The following EML4 variants were observed in gnomAD, a reference collection of about 807,000 sequenced individuals.
EML4 encodes echinoderm microtubule-associated protein-like 4.
In EML4, 72 loss-of-function variants were observed where a neutral mutation model predicts 129.0. The observed-to-expected ratio is 0.56, with a 90% confidence interval of 0.46 to 0.68. The LOEUF is 0.68. Ranked by LOEUF, EML4 falls within the 30% of genes least tolerant of loss-of-function variation. The probability of loss-of-function intolerance (pLI) is 0.00; values close to 1 mark genes in which losing one functional copy is unlikely to be tolerated. For missense variants in EML4, 1,363 were observed against 1,190.6 expected, an observed-to-expected ratio of 1.14 and a Z score of -2.13; for synonymous variants, 532 against 405.0, an observed-to-expected ratio of 1.31 and a Z score of -3.77.
At chr2:42,277,750 G>A (rs1666740541) in intron 6 of EML4, among the ~76,000 whole-genome samples, 1 of 152,038 alleles carries the variant, frequency 6.6e-6, no homozygotes, top group Admixed American at 6.5e-5. Context: ...TGTATTTTTA[G>A]TAGAGACGGG....
intron 1 of EML4, among the ~76,000 whole-genome samples, chr2:42,228,270 G>C (rs1445730233): frequency 2.0e-5 from 3 of 151,766 alleles, no homozygotes; most frequent in African/African-American, 4.8e-5. Flanking sequence ...ATTGCTAAGA[G>C]AGTAGAAAGA....
chr2:42,238,144 A>G (rs538414348), intron 1 of EML4, among the ~76,000 whole-genome samples: 15 of 152,298 alleles, frequency 9.8e-5, no homozygotes, highest in African/African-American at 3.1e-4. Flanking sequence ...TTGTAGTTAG[A>G]CTTGGATCCC....
chr2:42,272,106 A>G (rs1666405971), intron 6 of EML4, among the ~76,000 whole-genome samples: 1 of 152,090 alleles, frequency 6.6e-6, no homozygotes, highest in South Asian at 2.1e-4. Context: ...ACCCTGTCCA[A>G]AAATGGCAGT....
chr2:42,278,994 T>G (rs947018241), intron 6 of EML4, among the ~76,000 whole-genome samples: 1 of 152,212 alleles, frequency 6.6e-6, no homozygotes, highest in African/African-American at 2.4e-5. Flanking sequence ...GTTTTAGTTT[T>G]AGACTGTCGC....
intron 14 of EML4, among the ~76,000 whole-genome samples, chr2:42,302,204 T>C (rs573876839): frequency 2.0e-4 from 30 of 152,140 alleles, no homozygotes; most frequent in Non-Finnish European, 3.7e-4. Context: ...ACTTCCACAT[T>C]ACATTTTTTT....
chr2:42,182,152 ATTC>A (rs942901690), intron 1 of EML4, among the ~76,000 whole-genome samples: 5 of 130,690 alleles, frequency 3.8e-5, no homozygotes, highest in Admixed American at 1.5e-4. Context: ...ATGTAGAAAA[ATTC>A]TTCTTTTTTT....
intron 16 of EML4, among the ~76,000 whole-genome samples, chr2:42,304,164 C>T (rs932561483): frequency 6.6e-6 from 1 of 152,122 alleles, no homozygotes; most frequent in Non-Finnish European, 1.5e-5. Context: ...AGATATCCAC[C>T]TTCTCTAGCC....
chr2:42,234,045 G>C (rs1437903559), intron 1 of EML4, among the ~76,000 whole-genome samples: 1 of 152,216 alleles, frequency 6.6e-6, no homozygotes, highest in Admixed American at 6.5e-5. Context: ...CTTTTCTGCT[G>C]CCTAGGGTTT....
chr2:42,230,155 G>A (rs549441394), intron 1 of EML4, among the ~76,000 whole-genome samples: 6 of 152,090 alleles, frequency 3.9e-5, no homozygotes, highest in African/African-American at 1.4e-4. Context: ...GTTTTATCCT[G>A]TCTTTGCTGC....
intron 1 of EML4, among the ~76,000 whole-genome samples, chr2:42,226,128 A>G (rs940985685): frequency 2.6e-5 from 4 of 152,126 alleles, no homozygotes; most frequent in African/African-American, 9.7e-5. Context: ...TGGACTAGAA[A>G]AATAGTTACC....
chr2:42,324,290 CAAAAT>C (rs1468166835), intron 19 of EML4, among the ~76,000 whole-genome samples: 7 of 151,778 alleles, frequency 4.6e-5, no homozygotes, highest in African/African-American at 1.7e-4. Context: ...GACTCTGTCT[CAAAAT>C]AAAAAGAATA....
chr2:42,207,264 ATATATC>A (rs1388340040), intron 1 of EML4, among the ~76,000 whole-genome samples: 2 of 152,200 alleles, frequency 1.3e-5, no homozygotes, highest in Non-Finnish European at 2.9e-5. Flanking sequence ...TTTTACTAAA[ATATATC>A]TATGTATACA....
At chr2:42,290,096 T>TA (rs781175867) in intron 11 of EML4, among the ~76,000 whole-genome samples, 21 of 151,310 alleles carry the variant, frequency 1.4e-4, no homozygotes, top group African/African-American at 1.9e-4. Context: ...CAAAAAATAA[T>TA]AAAAATAAAG....
intron 1 of EML4, 79 bp from the exon 2 acceptor site, chr2:42,245,426 G>T (rs191241153): frequency 7.5e-7 from 1 of 1,339,476 alleles, no homozygotes; most frequent in African/African-American, 1.5e-5. Flanking sequence ...TAAGTCTTAT[G>T]TGGGATGGTT....
chr2:42,176,629 C>G (rs1028397288), intron 1 of EML4, among the ~76,000 whole-genome samples: 2 of 152,108 alleles, frequency 1.3e-5, no homozygotes, highest in Admixed American at 6.5e-5. Flanking sequence ...ATGTTTACTT[C>G]TTTTCATTCC....
chr2:42,298,937 A>G (rs1325202320), intron 13 of EML4, among the ~76,000 whole-genome samples: 2 of 152,094 alleles, frequency 1.3e-5, no homozygotes, highest in Non-Finnish European at 2.9e-5. Flanking sequence ...GCTTTTCTCT[A>G]TTTTTATTAT....
rs1665702058 is a variant in EML4 at position 42,261,054 on chromosome 2, T to C, written c.339-67T>C. 3.3e-6 allele frequency: 4 copies of C among 1,226,094 alleles called. No homozygotes were observed. In the Admixed American group the frequency reaches 8.9e-5, roughly 27 times the overall value. 76.0% of individuals were successfully genotyped at this position (1,226,094 alleles called of 1,614,324 possible). On this transcript the variant is annotated intron_variant, in intron 3 of 22. Coordinates refer to ENST00000318522, the MANE Select transcript of EML4 (RefSeq NM_019063.5). ...GTTTTGAATTATATAATAATCACTT[T>C]TCTATCGTTTGATTTTTTTTCATTT...
intron 8 of EML4, 115 bp downstream of exon 8, chr2:42,283,087 A>T: frequency 1.0e-6 from 1 of 972,762 alleles, no homozygotes; most frequent in Non-Finnish European, 1.5e-6. Flanking sequence ...ATGTAAAAAT[A>T]TTATGGGTCA....
Position 42,169,531 on chromosome 2 carries a change from G to C in EML4, c.-81G>C, listed in dbSNP as rs1436657908. On this transcript the variant is annotated 5_prime_UTR_variant, in exon 1 of 23. Transcript: ENST00000318522. The stretch of plus-strand genomic sequence containing the variant: ...GCGACCTAGAGAACGAGCGGGTCAG[G>C]CTCAGCGTCGGCCACTCTGTCGGTC... 2 of 1,513,856 alleles carry C rather than the reference G, an allele frequency of 1.3e-6. No homozygotes were observed. The highest frequency in any genetic ancestry group is 2.8e-5 in the African/African-American group (2 of 71,800). 93.8% of individuals were successfully genotyped at this position (1,513,856 alleles called of 1,614,324 possible). A position where few individuals can be genotyped will look rare whatever the true frequency, so the allele number is the denominator to read the frequency against.
Sources: gnomAD v4.1 joint callset for allele counts (sites outside exome capture counted in the v4.1 genomes callset) on GRCh38, gnomAD v4.1.1 for gene constraint, MANE v1.5 for transcripts, NCBI Gene and HGNC (gene_info 2026-07-23, HGNC 2026-07-21) for gene names.